The following THSD4 variants were observed in gnomAD, a reference collection of about 807,000 sequenced individuals.
The protein encoded by THSD4 is thrombospondin type 1 domain containing 4.
THSD4 carries 69 observed loss-of-function variants against 119.0 expected under a neutral mutation model. That is an observed-to-expected ratio of 0.58 (90% confidence interval 0.48 to 0.71). THSD4 has a LOEUF of 0.71. THSD4 is among the 30% of genes least tolerant of loss of function. The pLI, the probability that THSD4 is intolerant of heterozygous loss-of-function variation, is 0.00. For synonymous variants in THSD4, 524 were observed against 540.4 expected, an observed-to-expected ratio of 0.97 and a Z score of 0.42; for missense variants, 1,393 against 1,391.1, an observed-to-expected ratio of 1.00 and a Z score of -0.02.
intron 8 of THSD4, among the ~76,000 whole-genome samples, chr15:71,728,195 C>T (rs549816443): frequency 1.4e-4 from 22 of 152,224 alleles, no homozygotes; most frequent in Non-Finnish European, 2.9e-4. Context: ...AACCTCTCAC[C>T]TAGATAATGG....
chr15:71,533,878 C>A (rs1384735721), intron 7 of THSD4, among the ~76,000 whole-genome samples: 1 of 152,066 alleles, frequency 6.6e-6, no homozygotes, highest in South Asian at 2.1e-4. Context: ...CTTAGTAATG[C>A]ATATATTTTG....
At chr15:71,754,079 C>CT (rs5813663) in intron 14 of THSD4, among the ~76,000 whole-genome samples, 940 of 84,298 alleles carry the variant, frequency 0.011, 31 homozygotes, top group African/African-American at 0.035. Flanking sequence ...ACCTTTTATT[C>CT]TTTTTTTTTT....
chr15:71,227,729 TC>T (rs1387555367), intron 4 of THSD4, among the ~76,000 whole-genome samples: 1 of 152,184 alleles, frequency 6.6e-6, no homozygotes, highest in Non-Finnish European at 1.5e-5. Context: ...GACTCTAACA[TC>T]CTTGCTCTTC....
At chr15:71,486,218 C>G (rs75960816) in intron 7 of THSD4, among the ~76,000 whole-genome samples, 1 of 152,078 alleles carries the variant, frequency 6.6e-6, no homozygotes, top group Non-Finnish European at 1.5e-5. Context: ...TCAAACCTTC[C>G]TCGATCCTCT....
upstream of THSD4, chr15:71,111,988 G>T: frequency 2.2e-6 from 2 of 902,242 alleles, no homozygotes; most frequent in Non-Finnish European, 3.3e-6. Flanking sequence ...AGAAAACTGT[G>T]TTCCCCATAA....
chr15:71,359,826 A>G (rs2045868477), intron 6 of THSD4, among the ~76,000 whole-genome samples: 1 of 150,936 alleles, frequency 6.6e-6, no homozygotes, highest in Non-Finnish European at 1.5e-5. Context: ...ACAGAGCAAG[A>G]CCCTGTCTCA....
chr15:71,351,579 A>G (rs2045744206), intron 6 of THSD4, among the ~76,000 whole-genome samples: 1 of 152,142 alleles, frequency 6.6e-6, no homozygotes, highest in Non-Finnish European at 1.5e-5. Flanking sequence ...TATAACTTCA[A>G]AATATCAAAA....
Position 71,724,266 on chromosome 15 carries a change from G to GATATATATATATATATAT in THSD4, c.1358-4278_1358-4261dup, listed in dbSNP as rs144736427. Among the ~76,000 whole-genome samples the GATATATATATATATATAT allele has an allele frequency of 1.4e-3, 103 of 74,564 alleles. 5 individuals are homozygous for GATATATATATATATATAT. Among genetic ancestry groups the GATATATATATATATATAT allele is most frequent in the South Asian group, 3.8e-3 (4 of 1,052 alleles). The allele number at this position is 74,564 out of a possible 152,430, so 48.9% of individuals were successfully genotyped here. A position where few individuals can be genotyped will look rare whatever the true frequency, so the allele number is the denominator to read the frequency against. ...CTGGGGGAGGAGGCCTCTATGATGG[G>GATATATATATATATATAT]ATATATATATATATATATATATTTT... On this transcript the variant is annotated intron_variant, in intron 8 of 17. Coordinates refer to ENST00000261862, the MANE Select transcript of THSD4 (RefSeq NM_024817.3).
At chr15:71,325,084 G>C (rs1032715757) in intron 6 of THSD4, among the ~76,000 whole-genome samples, 3 of 152,046 alleles carry the variant, frequency 2.0e-5, no homozygotes, top group African/African-American at 4.8e-5. Flanking sequence ...TTTCATGTTT[G>C]TCGGCCATTT....
chr15:71,562,950 G>A (rs139155333), intron 7 of THSD4, among the ~76,000 whole-genome samples: 7 of 151,974 alleles, frequency 4.6e-5, no homozygotes, highest in African/African-American at 7.3e-5. Context: ...TGATCCACCC[G>A]CCTCGGCCTC....
At chr15:71,486,942 G>A (rs1220221628) in intron 7 of THSD4, among the ~76,000 whole-genome samples, 1 of 152,122 alleles carries the variant, frequency 6.6e-6, no homozygotes, top group African/African-American at 2.4e-5. Context: ...CACCTATTGA[G>A]TATCTGCCCA....
At chr15:71,114,732 AATT>A (rs1436023132), upstream of THSD4, among the ~76,000 whole-genome samples, 3 of 152,186 alleles carry the variant, frequency 2.0e-5, no homozygotes, top group Non-Finnish European at 4.4e-5. Context: ...TAATGAGAAG[AATT>A]ATTATTTTTT....
At chr15:71,272,915 A>C (rs2044549198) in intron 6 of THSD4, among the ~76,000 whole-genome samples, 1 of 152,158 alleles carries the variant, frequency 6.6e-6, no homozygotes, top group Non-Finnish European at 1.5e-5. Context: ...CAGGATATGG[A>C]GAAAGGGGAA....
chr15:71,388,816 G>C (rs2046329121), intron 6 of THSD4, among the ~76,000 whole-genome samples: 1 of 152,024 alleles, frequency 6.6e-6, no homozygotes, highest in South Asian at 2.1e-4. Context: ...CATCCAATAT[G>C]GTTTGGCTGT....
chr15:71,378,342 A>C (rs1444561122), intron 6 of THSD4, among the ~76,000 whole-genome samples: 1 of 152,198 alleles, frequency 6.6e-6, no homozygotes, highest in East Asian at 1.9e-4. Flanking sequence ...GAGAGCTCCC[A>C]CCAGATGAAT....
chr15:71,348,953 G>A (rs546393473), intron 6 of THSD4, among the ~76,000 whole-genome samples: 2 of 152,336 alleles, frequency 1.3e-5, no homozygotes, highest in Admixed American at 1.3e-4. Context: ...CTCCTTTGAA[G>A]TTACCTCTTG....
At chr15:71,324,944 C>A (rs1423098469) in intron 6 of THSD4, among the ~76,000 whole-genome samples, 2 of 152,232 alleles carry the variant, frequency 1.3e-5, no homozygotes, top group South Asian at 4.2e-4. Flanking sequence ...ATAAGTGTTC[C>A]CTTTTCACCA....
At chr15:71,351,087 A>G (rs1351150739) in intron 6 of THSD4, among the ~76,000 whole-genome samples, 2 of 152,190 alleles carry the variant, frequency 1.3e-5, no homozygotes, top group Non-Finnish European at 2.9e-5. Flanking sequence ...CTGGGGTATC[A>G]GGTCAATGGC....
At chr15:71,489,838 T>C (rs1452631276) in intron 7 of THSD4, among the ~76,000 whole-genome samples, 1 of 151,444 alleles carries the variant, frequency 6.6e-6, no homozygotes, top group African/African-American at 2.4e-5. Context: ...TTTTTTTTTC[T>C]ATTTTGAAAA....
Sources: gnomAD v4.1 joint callset for allele counts (sites outside exome capture counted in the v4.1 genomes callset) on GRCh38, gnomAD v4.1.1 for gene constraint, MANE v1.5 for transcripts, NCBI Gene and HGNC (gene_info 2026-07-23, HGNC 2026-07-21) for gene names.